RANBP17: variants seen among roughly 807,000 people sequenced by gnomAD.
RANBP17 encodes ran-binding protein 17.
RANBP17 carries 158 observed loss-of-function variants against 141.2 expected under a neutral mutation model. That is an observed-to-expected ratio of 1.12 (90% CI 0.98 to 1.28). The LOEUF is 1.28. RANBP17 is among the 50% of genes most tolerant of loss of function. The pLI is 0.00. For missense variants in RANBP17, 1,438 were observed against 1,290.7 expected (o/e 1.11, Z -1.75); for synonymous variants, 430 against 450.0 (o/e 0.96, Z 0.56).
intron 14 of RANBP17, among the ~76,000 whole-genome samples, chr5:170,985,724 G>C (rs996340156): frequency 6.6e-6 from 1 of 152,138 alleles, no homozygotes; most frequent in African/African-American, 2.4e-5. Flanking sequence ...AGGATGTCAT[G>C]CTATTGTATA....
chr5:171,267,543 C>CA (rs1309174711), intron 25 of RANBP17, among the ~76,000 whole-genome samples: 7 of 152,136 alleles, frequency 4.6e-5, no homozygotes, highest in African/African-American at 1.2e-4. Context: ...CGCAGTGACT[C>CA]ACGCCTGTAA....
In RANBP17 at chr5:170,953,598, A is replaced by G. The variant is rs759188786; in HGVS notation, c.1470A>G (p.Gly490=). 6.2e-7 allele frequency: 1 copy of G among 1,600,702 alleles called. No homozygotes were observed. Among genetic ancestry groups the G allele is most frequent in the East Asian group, 2.2e-5 (1 of 44,704 alleles). Residue 490 remains glycine (G), a splice_region_variant and synonymous_variant, in exon 13 of 28, where the codon GGA becomes GGG. Transcript: ENST00000523189. ...TTTTTCTTCCTTATTCTATATTAGG[A>G]CGTCTTGCATGGCTGGTATACTTAG... is the stretch of plus-strand genomic sequence containing the variant. The part of the protein sequence containing the change: ...GVTVDITIQE[G]RLAWLVYLVG...
chr5:170,932,592 T>G (rs1773483569), intron 12 of RANBP17, among the ~76,000 whole-genome samples: 1 of 152,150 alleles, frequency 6.6e-6, no homozygotes, highest in African/African-American at 2.4e-5. Flanking sequence ...CATCAATACC[T>G]AGTTTATTGA....
intron 3 of RANBP17, among the ~76,000 whole-genome samples, chr5:170,891,094 A>G (rs543309106): frequency 1.5e-4 from 23 of 152,338 alleles, no homozygotes; most frequent in Admixed American, 3.9e-4. Context: ...ACATGTTCCT[A>G]AAAGTGACTG....
chr5:170,907,883 C>T (rs964430772), intron 5 of RANBP17, among the ~76,000 whole-genome samples: 2 of 151,834 alleles, frequency 1.3e-5, no homozygotes, highest in African/African-American at 4.8e-5. Flanking sequence ...TGAACAGACA[C>T]TTCTCAAAAG....
chr5:171,098,579 C>T lies in RANBP17; in HGVS notation c.1711-71551C>T, dbSNP rs958079045. On this transcript the variant is annotated intron_variant, in intron 14 of 27. Transcript: ENST00000523189. The stretch of plus-strand genomic sequence containing the variant: ...TAGATTGCAAAAATTTTCTCCCATT[C>T]TGTAGGTTGCCTGTTCACTCTGATG... Among the ~76,000 whole-genome samples the T allele has an allele frequency of 2.0e-5, 3 of 152,272 alleles. 1 individual carries two copies. In the South Asian group the frequency reaches 6.2e-4, roughly 32 times the overall value.
At chr5:171,075,462 A>T (rs969011165) in intron 14 of RANBP17, among the ~76,000 whole-genome samples, 1 of 152,208 alleles carries the variant, frequency 6.6e-6, no homozygotes, top group Non-Finnish European at 1.5e-5. Flanking sequence ...TGTTATATAG[A>T]TTTCATTTAT....
chr5:170,874,018 C>A (rs188281794), intron 1 of RANBP17, among the ~76,000 whole-genome samples: 2 of 152,234 alleles, frequency 1.3e-5, no homozygotes, highest in Admixed American at 1.3e-4. Flanking sequence ...GCTATAGGTA[C>A]ATCTCAGAGA....
At chr5:171,155,243 C>T (rs1758818068) in intron 14 of RANBP17, among the ~76,000 whole-genome samples, 2 of 150,414 alleles carry the variant, frequency 1.3e-5, no homozygotes, top group Admixed American at 1.3e-4. Context: ...ATTAGCCTTC[C>T]CCCAGCCAAA....
At chr5:171,009,718 A>G (rs1779895452) in intron 14 of RANBP17, among the ~76,000 whole-genome samples, 1 of 152,172 alleles carries the variant, frequency 6.6e-6, no homozygotes, top group Admixed American at 6.5e-5. Flanking sequence ...TGTTAAAAGT[A>G]ATTATTATAG....
rs1764840065 is a variant in RANBP17 at position 171,240,953 on chromosome 5, C to T, written c.2448C>T (p.Ser816=). 1.2e-6 allele frequency: 2 copies of T among 1,613,412 alleles called. No individual in the cohort carries two copies. The highest frequency in any genetic ancestry group is 1.7e-6 in the Non-Finnish European group (2 of 1,179,472). ...GTAATCAGATCCTGTCCCTTGGGAG[C>T]CTCTCAAAAGATCAGATTTATCCAA... ...TYGNQILSLG[S]LSKDQIYPMK... The change falls in exon 23 of 28, where the codon AGC becomes AGT. Residue 816 remains serine, a synonymous_variant. Transcript: ENST00000523189.
At chr5:170,929,506 G>A (rs1227628588) in intron 12 of RANBP17, among the ~76,000 whole-genome samples, 1 of 152,070 alleles carries the variant, frequency 6.6e-6, no homozygotes, top group Non-Finnish European at 1.5e-5. Context: ...TTTTACGAAT[G>A]TAGTGAATTA....
chr5:171,103,653 A>T (rs565537239), intron 14 of RANBP17, among the ~76,000 whole-genome samples: 2 of 152,146 alleles, frequency 1.3e-5, no homozygotes, highest in Non-Finnish European at 2.9e-5. Context: ...GGGTATGAAA[A>T]AAAAAACCCT....
intron 14 of RANBP17, among the ~76,000 whole-genome samples, chr5:171,142,569 C>T (rs1456671346): frequency 6.6e-6 from 1 of 152,164 alleles, no homozygotes; most frequent in Admixed American, 6.5e-5. Flanking sequence ...TATATTCAAG[C>T]ATGGTCTTCT....
Position 171,241,095 on chromosome 5 carries a change from C to G in RANBP17, c.2590C>G (p.Gln864Glu), listed in dbSNP as rs1231274356. The G allele has an allele frequency of 4.3e-6, 7 of 1,613,796 alleles. No individual in the cohort carries two copies. Among genetic ancestry groups the G allele is most frequent in the Non-Finnish European group, 5.1e-6 (6 of 1,179,872 alleles). Reference protein sequence around the residue: ...YGDNHFDNVLQAFVKMLLSVS... With the variant: ...YGDNHFDNVLEAFVKMLLSVS... The stretch of plus-strand genomic sequence containing the variant: ...GGACAACCATTTTGACAATGTACTC[C>G]AGGCTTTTGTCAAAATGCTGCTGTC... Residue 864 changes from glutamine to glutamate, a missense_variant, in exon 23 of 28, where the codon CAG becomes GAG. Coordinates refer to ENST00000523189, the MANE Select transcript of RANBP17 (RefSeq NM_022897.5).
chr5:170,898,723 C>T (rs2127397700), intron 5 of RANBP17, among the ~76,000 whole-genome samples: 1 of 152,246 alleles, frequency 6.6e-6, no homozygotes, highest in South Asian at 2.1e-4. Context: ...GGCCCAGTTT[C>T]AGTTTTCTGT....
intron 24 of RANBP17, among the ~76,000 whole-genome samples, chr5:171,249,950 G>T (rs561822351): frequency 1.3e-5 from 2 of 152,218 alleles, no homozygotes; most frequent in South Asian, 4.1e-4. Flanking sequence ...TCTTTTCCAT[G>T]GTACATTATA....
chr5:170,999,561 T>C (rs908057359), intron 14 of RANBP17, among the ~76,000 whole-genome samples: 2 of 152,178 alleles, frequency 1.3e-5, no homozygotes, highest in African/African-American at 2.4e-5. Flanking sequence ...TTTTGTAAAC[T>C]TAAAAATGAA....
intron 16 of RANBP17, among the ~76,000 whole-genome samples, chr5:171,180,340 G>C (rs963805125): frequency 3.3e-5 from 5 of 152,204 alleles, no homozygotes; most frequent in African/African-American, 1.2e-4. Flanking sequence ...ATCTGGATTT[G>C]AATCGTGACT....
Sources: gnomAD v4.1 joint callset for allele counts (sites outside exome capture counted in the v4.1 genomes callset) on GRCh38, gnomAD v4.1.1 for gene constraint, MANE v1.5 for transcripts, NCBI Gene and HGNC (gene_info 2026-07-23, HGNC 2026-07-21) for gene names.